The following GLG1 variants were observed in gnomAD, a reference collection of about 807,000 sequenced individuals.
GLG1 encodes the protein golgi glycoprotein 1, also known as Golgi apparatus protein 1.
A neutral mutation model predicts 160.5 loss-of-function variants in GLG1; 38 were observed. The observed-to-expected ratio is 0.24, with a 90% CI of 0.18 to 0.31. The LOEUF (loss-of-function observed/expected upper bound fraction) is 0.31, where lower values mean the gene tolerates loss of function less well. GLG1 is among the 10% of genes least tolerant of loss of function. The pLI is 1.00. For synonymous variants in GLG1, 644 were observed against 543.4 expected, an observed-to-expected ratio of 1.19 and a Z score of -2.57; for missense variants, 1,373 against 1,505.2, an observed-to-expected ratio of 0.91 and a Z score of 1.45.
intron 2 of GLG1, among the ~76,000 whole-genome samples, chr16:74,514,499 G>A (rs947813615): frequency 1.6e-4 from 25 of 152,196 alleles, no homozygotes; most frequent in Non-Finnish European, 3.1e-4. Flanking sequence ...CATTCTTAAA[G>A]AAAAGAATTT....
intron 1 of GLG1, among the ~76,000 whole-genome samples, chr16:74,580,908 T>C (rs1206048601): frequency 6.6e-6 from 1 of 152,130 alleles, no homozygotes; most frequent in Non-Finnish European, 1.5e-5. Flanking sequence ...CCATCTCTAC[T>C]AAAAATACAA....
At chr16:74,459,883 C>T (rs2143161592) in intron 22 of GLG1, 94 bp from the exon 23 acceptor site, 1 of 643,970 alleles carries the variant, frequency 1.6e-6, no homozygotes, top group Admixed American at 3.2e-5. Flanking sequence ...TGAAACAGAG[C>T]CAAGCTCTGT....
intron 25 of GLG1, 154 bp downstream of exon 25, chr16:74,456,495 C>G (rs1044834444): frequency 4.8e-6 from 3 of 618,986 alleles, no homozygotes; most frequent in Admixed American, 3.1e-5. Context: ...TTGCTAGTCT[C>G]ACAATAAGGA....
intron 23 of GLG1, 183 bp from the exon 24 acceptor site, chr16:74,458,177 A>G: frequency 1.9e-6 from 1 of 523,868 alleles, no homozygotes; most frequent in East Asian, 2.9e-5. Context: ...TTGAGTAACT[A>G]ACTACTTTTA....
At chr16:74,470,698 A>G (rs8049824) in intron 15 of GLG1, among the ~76,000 whole-genome samples, 151,311 of 152,162 alleles carry the variant, frequency 0.99, 75,241 homozygotes, top group Middle Eastern at 1. Context: ...TCAGCCTGCC[A>G]CAGCCTCCCA....
At chr16:74,605,452 A>C (rs1958544292) in intron 1 of GLG1, among the ~76,000 whole-genome samples, 2 of 152,224 alleles carry the variant, frequency 1.3e-5, no homozygotes, top group African/African-American at 4.8e-5. Context: ...GCGAAAAGAA[A>C]ATTCCAAAAA....
chr16:74,560,295 A>C (rs2018473182), intron 1 of GLG1, among the ~76,000 whole-genome samples: 1 of 151,404 alleles, frequency 6.6e-6, no homozygotes, highest in Non-Finnish European at 1.5e-5. Flanking sequence ...ATTTCCTCCT[A>C]ACTGCTTTGA....
intron 1 of GLG1, among the ~76,000 whole-genome samples, chr16:74,573,364 T>C (rs2143790007): frequency 6.6e-6 from 1 of 152,180 alleles, no homozygotes; most frequent in Admixed American, 6.5e-5. Flanking sequence ...TTAAGTACAA[T>C]AATAATCGTA....
At position 74,543,597 on chromosome 16, in the gene GLG1, T is replaced by C. The variant is rs565125903; in HGVS notation, c.439-11444A>G. On this transcript the variant is annotated intron_variant, in intron 1 of 25. Transcript: ENST00000422840. ...TCTTCTTGCTTAGATAACATCATTC[T>C]ACAGTTGGTAGAAAAAAGGTATACA... Among the ~76,000 whole-genome samples, 194 of 152,308 alleles carry C rather than the reference T, an allele frequency of 1.3e-3. 1 individual carries two copies. The Middle Eastern group carries it at 0.048, about 37-fold the overall frequency.
chr16:74,566,756 G>A (rs551350644), intron 1 of GLG1, among the ~76,000 whole-genome samples: 14 of 151,962 alleles, frequency 9.2e-5, no homozygotes, highest in Non-Finnish European at 2.1e-4. Flanking sequence ...CCCAACCCTA[G>A]AACTCAGAAT....
intron 1 of GLG1, among the ~76,000 whole-genome samples, chr16:74,598,054 T>C (rs775303183): frequency 6.6e-6 from 1 of 151,978 alleles, no homozygotes; most frequent in African/African-American, 2.4e-5. Flanking sequence ...ATAAGAATGA[T>C]AATAATAAAA....
At chr16:74,591,349 C>T (rs991527821) in intron 1 of GLG1, among the ~76,000 whole-genome samples, 4 of 148,016 alleles carry the variant, frequency 2.7e-5, no homozygotes, top group African/African-American at 7.5e-5. Flanking sequence ...AAAATAAAGG[C>T]CTGGCACGGT....
At chr16:74,492,498 C>T (rs577396933) in intron 7 of GLG1, among the ~76,000 whole-genome samples, 2 of 145,522 alleles carry the variant, frequency 1.4e-5, no homozygotes, top group African/African-American at 2.6e-5. Flanking sequence ...GGGATGCCAA[C>T]GTGGCAAAAC....
At chr16:74,564,776 T>C (rs2018604004) in intron 1 of GLG1, among the ~76,000 whole-genome samples, 1 of 152,196 alleles carries the variant, frequency 6.6e-6, no homozygotes, top group African/African-American at 2.4e-5. Context: ...CTAAATGAAG[T>C]CACTCATGCT....
chr16:74,460,705 A>G (rs1430983543), intron 22 of GLG1, among the ~76,000 whole-genome samples: 2 of 152,200 alleles, frequency 1.3e-5, no homozygotes, highest in African/African-American at 4.8e-5. Context: ...GCCAGGCTTC[A>G]TTCTTCACAA....
intron 25 of GLG1, among the ~76,000 whole-genome samples, chr16:74,454,502 C>T (rs534876991): frequency 6.4e-4 from 96 of 150,880 alleles, no homozygotes; most frequent in African/African-American, 2.2e-3. Context: ...CCTGTCTCTA[C>T]TAAAAATACA....
intron 1 of GLG1, among the ~76,000 whole-genome samples, chr16:74,582,489 T>C (rs1055894045): frequency 1.3e-5 from 2 of 152,154 alleles, no homozygotes; most frequent in African/African-American, 4.8e-5. Context: ...CCCTTTTAGA[T>C]AGTCTCACCT....
chr16:74,606,537 G>T, intron 1 of GLG1, 120 bp downstream of exon 1: 2 of 781,794 alleles, frequency 2.6e-6, no homozygotes, highest in Non-Finnish European at 2.0e-6. Context: ...GAGGGAAGGA[G>T]CGAGTGCAGC....
chr16:74,557,900 T>G (rs532061450), intron 1 of GLG1, among the ~76,000 whole-genome samples: 1 of 152,198 alleles, frequency 6.6e-6, no homozygotes, highest in South Asian at 2.1e-4. Flanking sequence ...AAGTGTCCTG[T>G]CTTGAAGATT....
Sources: allele counts gnomAD v4.1 joint callset (sites outside exome capture counted in the v4.1 genomes callset), GRCh38; gene constraint gnomAD v4.1.1; transcripts MANE v1.5; gene names NCBI Gene and HGNC (gene_info 2026-07-23, HGNC 2026-07-21).